The following IL7R variants were observed in gnomAD, a reference collection of about 807,000 sequenced individuals.
IL7R encodes the protein interleukin 7 receptor, also known as interleukin-7 receptor subunit alpha.
A neutral mutation model predicts 47.0 loss-of-function variants in IL7R; 38 were observed. The observed-to-expected ratio is 0.81, with a 90% CI of 0.62 to 1.06. The LOEUF (loss-of-function observed/expected upper bound fraction) is 1.06, where lower values mean the gene tolerates loss of function less well. Among genes scored for constraint, IL7R ranks in the 50% least tolerant of loss-of-function variants. The probability of loss-of-function intolerance (pLI) is 0.00; values close to 1 mark genes in which losing one functional copy is unlikely to be tolerated. For synonymous variants in IL7R, 221 were observed against 199.8 expected (o/e 1.11, Z -0.89); for missense variants, 633 against 534.8 (o/e 1.18, Z -1.81).
At chr5:35,872,308 C>A (rs1760090658) in intron 4 of IL7R, among the ~76,000 whole-genome samples, 1 of 152,188 alleles carries the variant, frequency 6.6e-6, no homozygotes, top group Non-Finnish European at 1.5e-5. Context: ...AAGCAATTCT[C>A]CCATCTCAGC....
chr5:35,857,773 C>T lies in IL7R; in HGVS notation c.82+714C>T, dbSNP rs374774011. Among the ~76,000 whole-genome samples, 16 of 152,188 alleles carry T rather than the reference C, an allele frequency of 1.1e-4. No homozygotes were observed. The East Asian group carries it at 1.4e-3, about 13-fold the overall frequency. ...AGCCAACCCTGCCCATACATAAACA[C>T]ATTGTAATTATAACAAAACTAGGCA... On this transcript the variant is annotated intron_variant, in intron 1 of 7. Coordinates refer to ENST00000303115, the MANE Select transcript of IL7R (RefSeq NM_002185.5).
intron 3 of IL7R, among the ~76,000 whole-genome samples, chr5:35,868,781 C>T (rs1056022119): frequency 2.0e-5 from 3 of 152,176 alleles, no homozygotes; most frequent in Non-Finnish European, 4.4e-5. Context: ...TTACAAAACT[C>T]CACACCAGCA....
At chr5:35,873,093 A>G (rs1487699724) in intron 4 of IL7R, 1 of 252,390 alleles carries the variant, frequency 4.0e-6, no homozygotes, top group Non-Finnish European at 7.8e-6. Flanking sequence ...TTCACAATGT[A>G]AAATGGCGTC....
rs147538607 is a variant in IL7R at position 35,875,408 on chromosome 5, C to G, written c.801-104C>G. ...CCACCTAATTGTGTTAGAGCCAAGA[C>G]TAGAAATCTGTTCTTCTGATTCCAA... On this transcript the variant is annotated intron_variant, in intron 6 of 7. Coordinates refer to ENST00000303115, the MANE Select transcript of IL7R (RefSeq NM_002185.5). 1,881 of 854,582 alleles carry G rather than the reference C, an allele frequency of 2.2e-3. 24 individuals are homozygous for G. Among genetic ancestry groups the G allele is most frequent in the East Asian group, 0.018 (709 of 39,052 alleles). The allele number at this position is 854,582 out of a possible 1,614,324, so 52.9% of individuals were successfully genotyped here.
intron 3 of IL7R, among the ~76,000 whole-genome samples, chr5:35,869,359 T>C (rs1760015229): frequency 6.6e-6 from 1 of 152,174 alleles, no homozygotes; most frequent in Non-Finnish European, 1.5e-5. Context: ...TGAGCCCCTT[T>C]TTCTAATTTG....
In IL7R at chr5:35,877,345, T is replaced by A. The variant is rs1246396267; in HGVS notation, c.*859T>A. On this transcript the variant is annotated 3_prime_UTR_variant, in exon 8 of 8. Coordinates refer to ENST00000303115, the MANE Select transcript of IL7R (RefSeq NM_002185.5). ...ACAGTCTTGCGGGTGTGAAGTCCCA[T>A]GACCAGCCATGTCAAAAGAAGGTAA... 1 of 233,036 alleles carries A rather than the reference T, an allele frequency of 4.3e-6. No individual in the cohort carries two copies. The highest frequency in any genetic ancestry group is 8.5e-6 in the Non-Finnish European group (1 of 117,986). 14.4% of individuals were successfully genotyped at this position (233,036 alleles called of 1,614,324 possible). A position where few individuals can be genotyped will look rare whatever the true frequency, so the allele number is the denominator to read the frequency against.
chr5:35,867,376 A>G lies in IL7R; in HGVS notation c.292A>G (p.Lys98Glu). 6.2e-7 allele frequency: 1 copy of G among 1,613,638 alleles called. No homozygotes were observed. Among genetic ancestry groups the G allele is most frequent in the African/African-American group, 1.3e-5 (1 of 75,030 alleles). Reference protein sequence around the residue: ...LQEIYFIETKKFLLIGKSNIC... With the variant: ...LQEIYFIETKEFLLIGKSNIC... Reference sequence around the variant, plus strand: ...AGAGATATATTTCATCGAGACAAAGAAATTCTTACTGATTGGAAAGAGCAA... The same window carrying G: ...AGAGATATATTTCATCGAGACAAAGGAATTCTTACTGATTGGAAAGAGCAA... The change falls in exon 3 of 8, where the codon AAA (lysine) becomes GAA (glutamate). Residue 98 changes from lysine to glutamate, a missense_variant. Transcript: ENST00000303115.
intron 2 of IL7R, among the ~76,000 whole-genome samples, chr5:35,862,571 T>C (rs1034271702): frequency 6.6e-6 from 1 of 152,146 alleles, no homozygotes; most frequent in Non-Finnish European, 1.5e-5. Flanking sequence ...GGAAAATATA[T>C]GTATGAGCTC....
Position 35,860,996 on chromosome 5 carries a change from G to T in IL7R, c.221+6G>T, listed in dbSNP as rs767381880. 6.2e-7 allele frequency: 1 copy of T among 1,613,164 alleles called. No homozygotes were observed. The highest frequency in any genetic ancestry group is 8.5e-7 in the Non-Finnish European group (1 of 1,179,260). On this transcript the variant is annotated splice_donor_region_variant and intron_variant, in intron 2 of 7. Transcript: ENST00000303115. ...AATCTGGAATTTGAAATATGGTGAG[G>T]GATGGTGGTTTTAATGGTTGCTTAG...
At chr5:35,863,466 AGAG>A (rs1402058994) in intron 2 of IL7R, among the ~76,000 whole-genome samples, 8 of 152,172 alleles carry the variant, frequency 5.3e-5, no homozygotes, top group Non-Finnish European at 1.2e-4. Context: ...GAGCACATGC[AGAG>A]AAGAGTGTAC....
At position 35,876,475 on chromosome 5, in the gene IL7R, C is replaced by G. The variant is rs1197656380; in HGVS notation, c.1369C>G (p.Gln457Glu). ...EAYVTMSSFY[Q>E]NQ ...ATATGTCACCATGTCCAGCTTCTAC[C>G]AAAACCAGTGAAGTGTAAGAAACCC... Residue 457 changes from glutamine to glutamate, a missense_variant, in exon 8 of 8, where the codon CAA becomes GAA. Coordinates refer to ENST00000303115, the MANE Select transcript of IL7R (RefSeq NM_002185.5). 1 of 1,602,546 alleles carries G rather than the reference C, an allele frequency of 6.2e-7. No homozygotes were observed. The highest frequency in any genetic ancestry group is 1.1e-5 in the South Asian group (1 of 91,064).
chr5:35,857,281 GCATTTCACT>G (rs1759676150), intron 1 of IL7R, among the ~76,000 whole-genome samples: 1 of 152,100 alleles, frequency 6.6e-6, no homozygotes, highest in South Asian at 2.1e-4. Flanking sequence ...AAGAAGGAAT[GCATTTCACT>G]CCCAAGTGTA....
At chr5:35,859,692 T>G (rs531607914) in intron 1 of IL7R, among the ~76,000 whole-genome samples, 1 of 152,310 alleles carries the variant, frequency 6.6e-6, no homozygotes, top group African/African-American at 2.4e-5. Context: ...CTTTCCCATT[T>G]TCCCTACTGA....
chr5:35,859,327 A>G (rs1376631782), intron 1 of IL7R, among the ~76,000 whole-genome samples: 1 of 152,184 alleles, frequency 6.6e-6, no homozygotes, highest in Non-Finnish European at 1.5e-5. Context: ...GAATTGGTGG[A>G]AGAGAAAATG....
intron 5 of IL7R, among the ~76,000 whole-genome samples, chr5:35,873,971 C>T (rs552542834): frequency 6.6e-6 from 1 of 152,190 alleles, no homozygotes; most frequent in East Asian, 1.9e-4. Flanking sequence ...TGGCTGCTGT[C>T]TCTAAGGCCC....
In IL7R at chr5:35,856,976, G is replaced by A. The variant is rs1245678929; in HGVS notation, c.-2G>A. 6.4e-7 allele frequency: 1 copy of A among 1,574,058 alleles called. No homozygotes were observed. The highest frequency in any genetic ancestry group is 8.7e-7 in the Non-Finnish European group (1 of 1,145,490). On this transcript the variant is annotated 5_prime_UTR_variant, in exon 1 of 8. Coordinates refer to ENST00000303115, the MANE Select transcript of IL7R (RefSeq NM_002185.5). ...CTACTCTCTCTCTCTATCTCTCTCA[G>A]AATGACAATTCTAGGTACAACTTTT...
intron 3 of IL7R, among the ~76,000 whole-genome samples, chr5:35,870,233 A>G (rs939926261): frequency 5.3e-5 from 8 of 152,196 alleles, no homozygotes; most frequent in Non-Finnish European, 1.0e-4. Flanking sequence ...TTCTGCCTGA[A>G]ATAATACCAA....
In IL7R at chr5:35,879,584, T is replaced by G; in HGVS notation, c.*3098T>G. On this transcript the variant is annotated 3_prime_UTR_variant, in exon 8 of 8. Transcript: ENST00000303115. ...TATGTAATAACCATCTCATATTTAA[T>G]TAAATGGTATAGAAGAACACTTTGT... 1 of 216,886 alleles carries G rather than the reference T, an allele frequency of 4.6e-6. No individual in the cohort carries two copies. Among genetic ancestry groups the G allele is most frequent in the Non-Finnish European group, 9.3e-6 (1 of 107,694 alleles). 13.4% of individuals were successfully genotyped at this position (216,886 alleles called of 1,614,324 possible). A position where few individuals can be genotyped will look rare whatever the true frequency, so the allele number is the denominator to read the frequency against.
At chr5:35,863,012 C>A (rs1393206222) in intron 2 of IL7R, among the ~76,000 whole-genome samples, 4 of 151,876 alleles carry the variant, frequency 2.6e-5, no homozygotes, top group Admixed American at 1.3e-4. Context: ...TCTAGCTTAC[C>A]CAAAAATTCG....
Sources: allele counts gnomAD v4.1 joint callset (sites outside exome capture counted in the v4.1 genomes callset), GRCh38; gene constraint gnomAD v4.1.1; transcripts MANE v1.5; gene names NCBI Gene and HGNC (gene_info 2026-07-23, HGNC 2026-07-21).